Variants in PIK3CB observed in about 807,000 individuals in gnomAD.
The protein encoded by PIK3CB is phosphatidylinositol-4,5-bisphosphate 3-kinase catalytic subunit beta, also known as phosphatidylinositol 4,5-bisphosphate 3-kinase catalytic subunit beta isoform.
PIK3CB carries 39 observed loss-of-function variants against 136.8 expected under a neutral mutation model. The observed-to-expected ratio is 0.29, with a 90% CI of 0.22 to 0.37. PIK3CB has a LOEUF of 0.37. Among genes scored for constraint, PIK3CB ranks in the 10% least tolerant of loss-of-function variants. The probability of loss-of-function intolerance (pLI) is 1.00; values close to 1 mark genes in which losing one functional copy is unlikely to be tolerated. For synonymous variants in PIK3CB, 428 were observed against 436.6 expected (o/e 0.98, Z 0.25); for missense variants, 868 against 1,275.4 (o/e 0.68, Z 4.87).
chr3:138,786,107 A>G (rs1365646410), intron 2 of PIK3CB, among the ~76,000 whole-genome samples: 1 of 152,174 alleles, frequency 6.6e-6, no homozygotes, highest in Non-Finnish European at 1.5e-5. Flanking sequence ...AAAATAAAAT[A>G]AAAGTAAAAT....
At chr3:138,821,613 C>G (rs987512837) in intron 1 of PIK3CB, among the ~76,000 whole-genome samples, 1 of 151,700 alleles carries the variant, frequency 6.6e-6, no homozygotes, top group African/African-American at 2.4e-5. Flanking sequence ...GGTAAAACCC[C>G]ACCTCTACTA....
chr3:138,671,035 C>CCA (rs2043522510), intron 19 of PIK3CB, among the ~76,000 whole-genome samples: 1 of 152,076 alleles, frequency 6.6e-6, no homozygotes, highest in African/African-American at 2.4e-5. Flanking sequence ...ACATGTCTTA[C>CCA]CACATTATTT....
chr3:138,751,371 T>C (rs2045468634), intron 4 of PIK3CB, among the ~76,000 whole-genome samples: 1 of 151,228 alleles, frequency 6.6e-6, no homozygotes, highest in Non-Finnish European at 1.5e-5. Context: ...GGCAGGAGAA[T>C]GGCGTGAACC....
intron 13 of PIK3CB, among the ~76,000 whole-genome samples, chr3:138,697,256 GGAAAAC>G (rs1319345998): frequency 6.6e-6 from 1 of 152,114 alleles, no homozygotes; most frequent in African/African-American, 2.4e-5. Flanking sequence ...GAAGGTTCAT[GGAAAAC>G]GAATCCTGAA....
At chr3:138,692,218 T>C (rs992623769) in intron 14 of PIK3CB, among the ~76,000 whole-genome samples, 6 of 152,178 alleles carry the variant, frequency 3.9e-5, no homozygotes, top group East Asian at 1.9e-4. Context: ...CTCCACAGTA[T>C]TGGGTAATAA....
chr3:138,732,876 C>T (rs1293485421), intron 8 of PIK3CB, among the ~76,000 whole-genome samples: 1 of 151,688 alleles, frequency 6.6e-6, no homozygotes, highest in Non-Finnish European at 1.5e-5. Flanking sequence ...ATATAGTTAC[C>T]TTTGTTTTTT....
intron 19 of PIK3CB, among the ~76,000 whole-genome samples, chr3:138,675,508 T>C (rs1354642945): frequency 6.6e-6 from 1 of 152,128 alleles, no homozygotes; most frequent in Non-Finnish European, 1.5e-5. Flanking sequence ...AGTAGGCATA[T>C]TATAATCGAA....
chr3:138,729,751 T>C (rs915819939), intron 8 of PIK3CB, among the ~76,000 whole-genome samples: 1 of 152,182 alleles, frequency 6.6e-6, no homozygotes, highest in Non-Finnish European at 1.5e-5. Flanking sequence ...GGGTCTCCAG[T>C]TGCCCACCTC....
chr3:138,769,970 T>C (rs562217054), intron 2 of PIK3CB: 3 of 152,338 alleles, frequency 2.0e-5, no homozygotes, highest in Non-Finnish European at 4.4e-5. Flanking sequence ...GTCAGATTTT[T>C]TCCCCAAAGC....
At chr3:138,810,346 T>C (rs535112328) in intron 1 of PIK3CB, among the ~76,000 whole-genome samples, 44 of 152,084 alleles carry the variant, frequency 2.9e-4, no homozygotes, top group African/African-American at 9.6e-4. Context: ...AAAAGTATAA[T>C]ATGAAAAGGA....
In PIK3CB at chr3:138,781,955, T is replaced by C. The variant is rs191484909; in HGVS notation, c.-17+14508A>G. On this transcript the variant is annotated intron_variant, in intron 2 of 23. Transcript: ENST00000674063. ...TAAAGTTTTAAAAAACAATTCCTAT[T>C]ACCCAACTTTGGTTACAAAACTATC... Among the ~76,000 whole-genome samples the C allele has an allele frequency of 3.6e-3, 549 of 152,304 alleles. 2 individuals are homozygous for C. The highest frequency in any genetic ancestry group is 6.1e-3 in the Non-Finnish European group (412 of 68,022).
intron 16 of PIK3CB, among the ~76,000 whole-genome samples, chr3:138,688,254 C>A (rs1018415548): frequency 2.0e-5 from 3 of 152,092 alleles, no homozygotes; most frequent in African/African-American, 7.2e-5. Flanking sequence ...GTAATCCCAG[C>A]ACTTTGGGAG....
chr3:138,803,511 T>G (rs919657343), intron 1 of PIK3CB, among the ~76,000 whole-genome samples: 5 of 152,208 alleles, frequency 3.3e-5, no homozygotes, highest in African/African-American at 1.2e-4. Context: ...TTATTACACG[T>G]GGCCAGTACC....
At chr3:138,664,418 C>T (rs2043364375) in intron 20 of PIK3CB, among the ~76,000 whole-genome samples, 1 of 152,004 alleles carries the variant, frequency 6.6e-6, no homozygotes, top group Non-Finnish European at 1.5e-5. Context: ...GAGTTAAGCA[C>T]TGCAGTTTCA....
chr3:138,826,510 T>G (rs1380693858), intron 1 of PIK3CB, among the ~76,000 whole-genome samples: 1 of 150,778 alleles, frequency 6.6e-6, no homozygotes, highest in African/African-American at 2.4e-5. Context: ...TTTTTTTTTT[T>G]TTTTTTTTTT....
chr3:138,700,367 T>C (rs2044225125), intron 12 of PIK3CB, among the ~76,000 whole-genome samples: 3 of 152,086 alleles, frequency 2.0e-5, no homozygotes, highest in African/African-American at 7.2e-5. Context: ...GTAGGGAAAG[T>C]ACTAGATGAG....
At chr3:138,825,796 G>A (rs564016957) in intron 1 of PIK3CB, 3 of 925,248 alleles carry the variant, frequency 3.2e-6, no homozygotes, top group Non-Finnish European at 5.2e-6. Flanking sequence ...TCCAGTCAAT[G>A]TTACAACTGA....
intron 9 of PIK3CB, among the ~76,000 whole-genome samples, chr3:138,713,181 T>C (rs9858693): frequency 0.05 from 7,504 of 150,454 alleles, 279 homozygotes; most frequent in South Asian, 0.14. Flanking sequence ...ACTTTTAGGG[T>C]ATTTTTTTTT....
chr3:138,827,209 G>A (rs1933819268), intron 1 of PIK3CB, among the ~76,000 whole-genome samples: 1 of 152,164 alleles, frequency 6.6e-6, no homozygotes, highest in Non-Finnish European at 1.5e-5. Flanking sequence ...AAAACAAGGT[G>A]GTTTTGTTTG....
Sources: allele counts gnomAD v4.1 joint callset (sites outside exome capture counted in the v4.1 genomes callset), GRCh38; gene constraint gnomAD v4.1.1; transcripts MANE v1.5; gene names NCBI Gene and HGNC (gene_info 2026-07-23, HGNC 2026-07-21).